CADM2: variants seen among roughly 807,000 people sequenced by gnomAD.
CADM2 encodes cell adhesion molecule 2.
Under a neutral mutation model 49.8 loss-of-function variants are expected in CADM2, and 12 were observed. The observed-to-expected ratio is 0.24, with a 90% CI of 0.15 to 0.39. The LOEUF (loss-of-function observed/expected upper bound fraction) is 0.39. Ranked by LOEUF, CADM2 falls within the 10% of genes least tolerant of loss-of-function variation. CADM2 has a pLI of 1.00. For synonymous variants in CADM2, 214 were observed against 175.4 expected, an observed-to-expected ratio of 1.22 and a Z score of -1.74; for missense variants, 378 against 492.3, an observed-to-expected ratio of 0.77 and a Z score of 2.20.
At chr3:85,800,365 G>A (rs1257949562) in intron 2 of CADM2, 1 of 152,280 alleles carries the variant, frequency 6.6e-6, no homozygotes, top group Non-Finnish European at 1.5e-5. Context: ...TGGCTCCCTG[G>A]CTTCAGCCGT....
In CADM2 at chr3:85,630,371, T is replaced by G. The variant is rs750114038; in HGVS notation, c.62-96151T>G. On this transcript the variant is annotated intron_variant, in intron 1 of 9. Transcript: ENST00000383699. ...CTGTTCTCTTACAACTGGCACACAG[T>G]GACTTCTCATTCAAGACTCAGTTCA... Among the ~76,000 whole-genome samples the G allele has an allele frequency of 3.2e-4, 48 of 151,996 alleles. 1 individual carries two copies. The highest frequency in any genetic ancestry group is 3.7e-4 in the Non-Finnish European group (25 of 67,952).
chr3:85,040,857 T>C lies in CADM2; in HGVS notation c.61+81189T>C, dbSNP rs578237887. Among the ~76,000 whole-genome samples the C allele has an allele frequency of 2.6e-5, 4 of 152,322 alleles. No individual in the cohort carries two copies. The East Asian group carries it at 7.7e-4, about 29-fold the overall frequency. On this transcript the variant is annotated intron_variant, in intron 1 of 9. Transcript: ENST00000383699. The stretch of plus-strand genomic sequence containing the variant: ...ATCAGAATCTATGTCAAGGTGGTCT[T>C]TATTACATGAGCATTTTATTACATG...
intron 8 of CADM2, among the ~76,000 whole-genome samples, chr3:86,054,739 G>A (rs921261019): frequency 6.6e-6 from 1 of 151,082 alleles, no homozygotes; most frequent in African/African-American, 2.4e-5. Context: ...TAAGAAATGT[G>A]TTTACAACTA....
At chr3:86,052,101 A>T (rs1480376123) in intron 8 of CADM2, among the ~76,000 whole-genome samples, 2 of 152,230 alleles carry the variant, frequency 1.3e-5, no homozygotes, top group Admixed American at 1.3e-4. Context: ...TTAAATAAAC[A>T]CAATTTGTTA....
chr3:86,049,667 G>A (rs918019335), intron 8 of CADM2, among the ~76,000 whole-genome samples: 1 of 152,126 alleles, frequency 6.6e-6, no homozygotes, highest in South Asian at 2.1e-4. Flanking sequence ...ATGGGGGGCA[G>A]GCATCAGAAG....
chr3:85,079,381 C>T (rs1211703235), intron 1 of CADM2, among the ~76,000 whole-genome samples: 1 of 151,740 alleles, frequency 6.6e-6, no homozygotes, highest in Non-Finnish European at 1.5e-5. Flanking sequence ...CATGTGGGCT[C>T]ATAGGTATAA....
intron 1 of CADM2, among the ~76,000 whole-genome samples, chr3:85,313,544 G>A (rs1387325800): frequency 6.6e-6 from 1 of 152,122 alleles, no homozygotes; most frequent in Non-Finnish European, 1.5e-5. Flanking sequence ...CCTTTTTGAT[G>A]AGAACAAGCA....
intron 1 of CADM2, among the ~76,000 whole-genome samples, chr3:85,450,040 A>G (rs1016651407): frequency 6.6e-6 from 1 of 152,152 alleles, no homozygotes; most frequent in African/African-American, 2.4e-5. Flanking sequence ...ACAGAACAAG[A>G]CTGCAAAGTT....
At chr3:85,757,747 G>A (rs763596561) in intron 2 of CADM2, among the ~76,000 whole-genome samples, 33 of 152,092 alleles carry the variant, frequency 2.2e-4, no homozygotes, top group Non-Finnish European at 3.1e-4. Flanking sequence ...TAAAGTGATT[G>A]GAGATGAGGC....
intron 8 of CADM2, among the ~76,000 whole-genome samples, chr3:85,975,811 G>A (rs924377734): frequency 6.6e-6 from 1 of 151,494 alleles, no homozygotes; most frequent in Non-Finnish European, 1.5e-5. Flanking sequence ...TATACAAATT[G>A]AGCTGTGTAT....
chr3:85,888,883 T>G (rs1466704714), intron 5 of CADM2, among the ~76,000 whole-genome samples: 1 of 152,158 alleles, frequency 6.6e-6, no homozygotes, highest in Non-Finnish European at 1.5e-5. Context: ...TTTGTCTTTT[T>G]AGGGATAAAA....
intron 1 of CADM2, among the ~76,000 whole-genome samples, chr3:85,589,143 T>C (rs2063030240): frequency 6.6e-6 from 1 of 151,942 alleles, no homozygotes. Flanking sequence ...AGACACATGT[T>C]TGTGTGTGGG....
At chr3:85,282,247 G>A (rs978305052) in intron 1 of CADM2, among the ~76,000 whole-genome samples, 5 of 146,152 alleles carry the variant, frequency 3.4e-5, no homozygotes, top group Non-Finnish European at 3.0e-5. Flanking sequence ...GTTTGGTTTG[G>A]GGGCTTTTTT....
In CADM2 at chr3:86,044,967, C is replaced by A. The variant is rs980714308; in HGVS notation, c.971-20638C>A. Reference sequence around the variant, plus strand: ...AGCAAAGTATGGCAAGGACAAAAAACCAAACACTGCATGTTCTCACTCATA... The same window carrying A: ...AGCAAAGTATGGCAAGGACAAAAAAACAAACACTGCATGTTCTCACTCATA... On this transcript the variant is annotated intron_variant, in intron 8 of 9. Transcript: ENST00000383699. Among the ~76,000 whole-genome samples the A allele has an allele frequency of 4.6e-5, 7 of 151,344 alleles. No homozygotes were observed. The South Asian group carries it at 8.4e-4, about 18-fold the overall frequency.
chr3:85,949,205 TA>T (rs201237140), intron 7 of CADM2, among the ~76,000 whole-genome samples: 1 of 151,102 alleles, frequency 6.6e-6, no homozygotes, highest in African/African-American at 2.4e-5. Context: ...GACTTTTTTT[TA>T]AAAAGAAAAT....
chr3:85,851,808 G>T (rs2075119906), intron 3 of CADM2, among the ~76,000 whole-genome samples: 1 of 151,748 alleles, frequency 6.6e-6, no homozygotes, highest in Non-Finnish European at 1.5e-5. Flanking sequence ...ATGTATATAA[G>T]AAATGAAGAA....
In CADM2 at chr3:85,180,545, A is replaced by AG. The variant is rs2040909084; in HGVS notation, c.61+220878dup. Among the ~76,000 whole-genome samples the AG allele has an allele frequency of 2.0e-5, 3 of 147,088 alleles. No homozygotes were observed. The South Asian group carries it at 6.4e-4, about 31-fold the overall frequency. On this transcript the variant is annotated intron_variant, in intron 1 of 9. Transcript: ENST00000383699. The stretch of plus-strand genomic sequence containing the variant: ...AAAAAAAAAAAAAAAAAAGAGAAGG[A>AG]GAAAAAATGACCACCCTACCTTCTC...
chr3:85,294,205 TA>T (rs2043887590), intron 1 of CADM2, among the ~76,000 whole-genome samples: 2 of 151,874 alleles, frequency 1.3e-5, no homozygotes, highest in African/African-American at 4.8e-5. Flanking sequence ...TCAAAGACAA[TA>T]AAATACCTAG....
At chr3:85,081,110 A>G (rs1198473278) in intron 1 of CADM2, among the ~76,000 whole-genome samples, 1 of 152,104 alleles carries the variant, frequency 6.6e-6, no homozygotes, top group Non-Finnish European at 1.5e-5. Flanking sequence ...TCATCATGAA[A>G]AATTACAATT....
Sources: gnomAD v4.1 joint callset for allele counts (sites outside exome capture counted in the v4.1 genomes callset) on GRCh38, gnomAD v4.1.1 for gene constraint, MANE v1.5 for transcripts, NCBI Gene and HGNC (gene_info 2026-07-23, HGNC 2026-07-21) for gene names.